DOCK1: variants seen among roughly 807,000 people sequenced by gnomAD.
The protein encoded by DOCK1 is dedicator of cytokinesis 1, also known as dedicator of cytokinesis protein 1.
DOCK1 carries 138 observed loss-of-function variants against 262.7 expected under a neutral mutation model. The observed-to-expected ratio is 0.53, with a 90% CI of 0.46 to 0.61. The LOEUF is 0.61. Ranked by LOEUF, DOCK1 falls within the 20% of genes least tolerant of loss-of-function variation. DOCK1 has a pLI of 0.00. For synonymous variants in DOCK1, 866 were observed against 867.4 expected (o/e 1.00, Z 0.03); for missense variants, 1,908 against 2,370.7 (o/e 0.80, Z 4.05).
intron 44 of DOCK1, among the ~76,000 whole-genome samples, chr10:127,415,846 A>T (rs1203029195): frequency 6.6e-6 from 1 of 152,226 alleles, no homozygotes; most frequent in African/African-American, 2.4e-5. Context: ...GTTGGGCTGC[A>T]GATTTATTGA....
intron 27 of DOCK1, among the ~76,000 whole-genome samples, chr10:127,193,477 T>C (rs1411248108): frequency 6.6e-6 from 1 of 152,190 alleles, no homozygotes; most frequent in Non-Finnish European, 1.5e-5. Context: ...CTGTGATCAT[T>C]TCTGTATCAT....
At chr10:126,956,493 G>A (rs958681444) in intron 1 of DOCK1, among the ~76,000 whole-genome samples, 76 of 152,290 alleles carry the variant, frequency 5.0e-4, no homozygotes, top group African/African-American at 1.7e-3. Context: ...AGCTGGGCCC[G>A]GCTGAGCTGC....
chr10:127,229,608 A>T (rs1359473311), intron 27 of DOCK1, among the ~76,000 whole-genome samples: 3 of 151,984 alleles, frequency 2.0e-5, no homozygotes, highest in Non-Finnish European at 4.4e-5. Context: ...GTGTTTTTAG[A>T]TCACATTTTC....
chr10:127,222,178 C>T (rs552803996), intron 27 of DOCK1, among the ~76,000 whole-genome samples: 174 of 152,320 alleles, frequency 1.1e-3, no homozygotes, highest in African/African-American at 4.1e-3. Context: ...ATCTGAGCTG[C>T]CAGCAGCAGT....
At chr10:127,114,214 G>A (rs534459536) in intron 25 of DOCK1, among the ~76,000 whole-genome samples, 2 of 152,070 alleles carry the variant, frequency 1.3e-5, no homozygotes, top group African/African-American at 4.8e-5. Flanking sequence ...GGTACCTAGC[G>A]CATGCCTGGC....
At chr10:127,076,700 C>G (rs2046577151) in intron 23 of DOCK1, among the ~76,000 whole-genome samples, 1 of 152,152 alleles carries the variant, frequency 6.6e-6, no homozygotes, top group Non-Finnish European at 1.5e-5. Context: ...GCCTTCCCAC[C>G]TCATTGGTGG....
chr10:127,110,782 C>T (rs1454203425), intron 25 of DOCK1, among the ~76,000 whole-genome samples: 1 of 152,198 alleles, frequency 6.6e-6, no homozygotes, highest in Non-Finnish European at 1.5e-5. Context: ...AAATCCTACT[C>T]AAAGTAATAA....
At chr10:127,322,971 C>T (rs2062600142) in intron 29 of DOCK1, among the ~76,000 whole-genome samples, 1 of 152,206 alleles carries the variant, frequency 6.6e-6, no homozygotes, top group Non-Finnish European at 1.5e-5. Context: ...TGAGAACATA[C>T]TGTGTAGAAA....
chr10:127,031,374 G>C (rs561787793), intron 16 of DOCK1, among the ~76,000 whole-genome samples: 7 of 152,090 alleles, frequency 4.6e-5, no homozygotes, highest in Non-Finnish European at 8.8e-5. Context: ...CCTGGAATCC[G>C]TTTTCACGTT....
chr10:126,913,127 T>C (rs911743004), intron 1 of DOCK1, among the ~76,000 whole-genome samples: 4 of 152,146 alleles, frequency 2.6e-5, no homozygotes, highest in Non-Finnish European at 4.4e-5. Context: ...GACAGAACAA[T>C]GCAATCAGGT....
chr10:127,316,711 G>A (rs1450973158), intron 29 of DOCK1, among the ~76,000 whole-genome samples: 2 of 152,124 alleles, frequency 1.3e-5, no homozygotes, highest in East Asian at 1.9e-4. Flanking sequence ...TTTATGAGCA[G>A]CATTATTCTG....
At chr10:127,109,012 A>G (rs567957635) in intron 24 of DOCK1, among the ~76,000 whole-genome samples, 1 of 152,340 alleles carries the variant, frequency 6.6e-6, no homozygotes, top group East Asian at 1.9e-4. Flanking sequence ...AAAAAAATAT[A>G]TTATAAAATG....
chr10:127,184,715 C>CA (rs1278164162), intron 27 of DOCK1, among the ~76,000 whole-genome samples: 1 of 152,220 alleles, frequency 6.6e-6, no homozygotes, highest in Non-Finnish European at 1.5e-5. Flanking sequence ...GTCTCCTGAA[C>CA]ACACCATGGT....
chr10:127,319,653 A>G (rs1186472327), intron 29 of DOCK1, among the ~76,000 whole-genome samples: 2 of 152,160 alleles, frequency 1.3e-5, no homozygotes, highest in African/African-American at 4.8e-5. Context: ...AGACGGAACA[A>G]GGAAAACCTG....
Position 127,051,743 on chromosome 10 carries a change from C to T in DOCK1, c.2202-938C>T, listed in dbSNP as rs139762127. Among the ~76,000 whole-genome samples the T allele has an allele frequency of 7.4e-3, 1,119 of 152,160 alleles. 18 individuals carry two copies. The highest frequency in any genetic ancestry group is 0.025 in the African/African-American group (1,049 of 41,500). ...GACTACAGCCATATGCCATCCTACCCGGCTAATTTTTGTATTTTTTCTGGA... is the reference window on the plus strand; with the variant it reads ...GACTACAGCCATATGCCATCCTACCTGGCTAATTTTTGTATTTTTTCTGGA... On this transcript the variant is annotated intron_variant, in intron 21 of 51. Transcript: ENST00000623213.
At chr10:127,196,374 C>A (rs2057150531) in intron 27 of DOCK1, among the ~76,000 whole-genome samples, 1 of 148,788 alleles carries the variant, frequency 6.7e-6, no homozygotes. Context: ...CGGCTTCGCG[C>A]TCCTCCGATG....
intron 29 of DOCK1, among the ~76,000 whole-genome samples, chr10:127,287,838 G>C (rs1315912005): frequency 2.6e-5 from 4 of 152,080 alleles, no homozygotes; most frequent in Non-Finnish European, 5.9e-5. Flanking sequence ...ATATACAGTA[G>C]TTTTTCACCT....
At chr10:127,319,488 G>C (rs1256383186) in intron 29 of DOCK1, among the ~76,000 whole-genome samples, 1 of 152,218 alleles carries the variant, frequency 6.6e-6, no homozygotes, top group Non-Finnish European at 1.5e-5. Context: ...AAATCACTTA[G>C]CATTAAGAAG....
At chr10:127,281,541 T>C (rs904230797) in intron 29 of DOCK1, among the ~76,000 whole-genome samples, 2 of 151,972 alleles carry the variant, frequency 1.3e-5, no homozygotes, top group Non-Finnish European at 2.9e-5. Flanking sequence ...TCCCTGGGAG[T>C]GGGTCACAAG....
Sources: gnomAD v4.1 joint callset for allele counts (sites outside exome capture counted in the v4.1 genomes callset) on GRCh38, gnomAD v4.1.1 for gene constraint, MANE v1.5 for transcripts, NCBI Gene and HGNC (gene_info 2026-07-23, HGNC 2026-07-21) for gene names.